The following ANGPTL6 variants were observed in gnomAD, a reference collection of about 807,000 sequenced individuals.
ANGPTL6 encodes angiopoietin like 6.
In ANGPTL6, 45 loss-of-function variants were observed where a neutral mutation model predicts 47.4. The observed-to-expected ratio is 0.95, with a 90% CI of 0.75 to 1.22. ANGPTL6 has a LOEUF of 1.22. ANGPTL6 is among the 50% of genes most tolerant of loss of function. ANGPTL6 has a pLI of 0.00. For missense variants in ANGPTL6, 698 were observed against 669.4 expected, an observed-to-expected ratio of 1.04 and a Z score of -0.47; for synonymous variants, 290 against 295.9, an observed-to-expected ratio of 0.98 and a Z score of 0.20.
intron 1 of ANGPTL6, 162 bp downstream of exon 1, chr19:10,102,406 A>C: frequency 1.2e-5 from 2 of 165,922 alleles, no homozygotes; most frequent in Non-Finnish European, 1.2e-5. Flanking sequence ...CCCACAACAG[A>C]GATTGAGCAA....
intron 1 of ANGPTL6, among the ~76,000 whole-genome samples, chr19:10,098,113 C>G (rs2088591991): frequency 6.6e-6 from 1 of 151,970 alleles, no homozygotes; most frequent in African/African-American, 2.4e-5. Context: ...GCTGGTCTCC[C>G]CTGGCCTCAA....
At position 10,092,423 on chromosome 19, in the gene ANGPTL6, C is replaced by A; in HGVS notation, c.*166G>T. On this transcript the variant is annotated 3_prime_UTR_variant, in exon 6 of 6. Transcript: ENST00000253109. Reference sequence around the variant, plus strand: ...GAGCCATCTGAGGCCAAGATATTGACGGGGGGGATTCCTGGGTCCCATTTT... The same window carrying A: ...GAGCCATCTGAGGCCAAGATATTGAAGGGGGGGATTCCTGGGTCCCATTTT... 6.6e-7 allele frequency: 1 copy of A among 1,512,342 alleles called. No individual in the cohort carries two copies. Among genetic ancestry groups the A allele is most frequent in the Non-Finnish European group, 8.9e-7 (1 of 1,129,542 alleles). 93.7% of individuals were successfully genotyped at this position (1,512,342 alleles called of 1,614,324 possible). A position where few individuals can be genotyped will look rare whatever the true frequency, so the allele number is the denominator to read the frequency against.
At chr19:10,092,988 T>C (rs924215319) in intron 5 of ANGPTL6, 39 of 504,166 alleles carry the variant, frequency 7.7e-5, no homozygotes, top group Admixed American at 1.1e-4. Flanking sequence ...CCCTATCTCC[T>C]TACCAAAGTA....
Position 10,093,580 on chromosome 19 carries a change from G to C in ANGPTL6, c.991C>G (p.Leu331Val). 6.2e-7 allele frequency: 1 copy of C among 1,613,758 alleles called. No homozygotes were observed. The highest frequency in any genetic ancestry group is 1.1e-5 in the South Asian group (1 of 91,078). ...GRPDGEYWLGLEPVYQLTSRG... is the reference protein window; with the variant it reads ...GRPDGEYWLGVEPVYQLTSRG... ...CTGGTCAGCTGATACACGGGTTCAAGGCCCAGCCAGTATTCTCCGTCTGGC... is the reference window on the plus strand; with the variant it reads ...CTGGTCAGCTGATACACGGGTTCAACGCCCAGCCAGTATTCTCCGTCTGGC... The change falls in exon 5 of 6, where the codon CTT becomes GTT. Residue 331 changes from leucine (L) to valine (V), a missense_variant. Transcript: ENST00000253109.
upstream of ANGPTL6, among the ~76,000 whole-genome samples, chr19:10,104,760 G>C (rs1245316799): frequency 1.3e-5 from 2 of 152,268 alleles, no homozygotes; most frequent in East Asian, 3.9e-4. Context: ...ACAACTTAAA[G>C]GGAAATGGGG....
upstream of ANGPTL6, among the ~76,000 whole-genome samples, chr19:10,103,964 A>G (rs990047035): frequency 4.7e-5 from 7 of 150,494 alleles, no homozygotes; most frequent in African/African-American, 9.8e-5. Flanking sequence ...GTGGTGGCCC[A>G]TGCCTGTAAT....
chr19:10,104,081 C>CAAA (rs33948028), upstream of ANGPTL6, among the ~76,000 whole-genome samples: 72 of 73,990 alleles, frequency 9.7e-4, 2 homozygotes, highest in South Asian at 1.5e-3. Context: ...GACTCTGTCT[C>CAAA]AAAAAAAAAA....
At position 10,096,147 on chromosome 19, in the gene ANGPTL6, G is replaced by C; in HGVS notation, c.417C>G (p.Leu139=). 2 of 1,364,800 alleles carry C rather than the reference G, an allele frequency of 1.5e-6. No individual in the cohort carries two copies. The highest frequency in any genetic ancestry group is 1.9e-6 in the Non-Finnish European group (2 of 1,058,194). The allele number at this position is 1,364,800 out of a possible 1,614,324, so 84.5% of individuals were successfully genotyped here. The change falls in exon 2 of 6, where the codon CTC becomes CTG. Residue 139 remains leucine (L), a synonymous_variant. Coordinates refer to ENST00000253109, the MANE Select transcript of ANGPTL6 (RefSeq NM_031917.3). ...CGGACGCGTTGAGCACGCGCTCCCC[G>C]AGCAGCGCCAGCGCCGCGGCAGGCT... The part of the protein sequence containing the change: ...GAEPAAALAL[L]GERVLNASAE...
chr19:10,092,963 T>C (rs2088430156), intron 5 of ANGPTL6, 184 bp from the exon 6 acceptor site: 2 of 531,164 alleles, frequency 3.8e-6, no homozygotes, highest in Non-Finnish European at 6.5e-6. Flanking sequence ...TTCAGAGTAA[T>C]AGCCTTAATT....
upstream of ANGPTL6, among the ~76,000 whole-genome samples, chr19:10,103,624 TAATAAATA>T (rs1555757143): frequency 1.6e-5 from 2 of 126,082 alleles, no homozygotes; most frequent in Non-Finnish European, 3.4e-5. Flanking sequence ...AATAAATAAA[TAATAAATA>T]AATAATAATA....
Position 10,096,441 on chromosome 19 carries a change from A to G in ANGPTL6, c.123T>C (p.Ala41=), listed in dbSNP as rs1348802242. The G allele has an allele frequency of 1.9e-5, 28 of 1,445,656 alleles. No individual in the cohort carries two copies. The South Asian group carries it at 2.6e-4, about 13-fold the overall frequency. 89.6% of individuals were successfully genotyped at this position (1,445,656 alleles called of 1,614,324 possible). A position where few individuals can be genotyped will look rare whatever the true frequency, so the allele number is the denominator to read the frequency against. ...TGGATGCGGGGCCGCTCCAGCACAC[A>G]GCGCCCGTGAACTTCTGCGGGGGCA... ...FVLPPQKFTG[A]VCWSGPASTR... Residue 41 remains alanine (A), a synonymous_variant, in exon 2 of 6, where the codon GCT becomes GCC. Transcript: ENST00000253109.
At chr19:10,093,995 C>T in intron 3 of ANGPTL6, 115 bp from the exon 4 acceptor site, 2 of 1,122,692 alleles carry the variant, frequency 1.8e-6, no homozygotes, top group Non-Finnish European at 2.5e-6. Flanking sequence ...GCCTCTCCCA[C>T]TTTTCTACCA....
At chr19:10,102,740 G>C (rs2088713658), upstream of ANGPTL6, 3 of 984,560 alleles carry the variant, frequency 3.0e-6, no homozygotes, top group South Asian at 1.4e-4. Context: ...TGGGAGTGGA[G>C]CTGGGATGCT....
In ANGPTL6 at chr19:10,096,102, G is replaced by A. The variant is rs768053460; in HGVS notation, c.462C>T (p.Ala154=). The part of the protein sequence containing the change: ...LNASAEAQRA[A]ARFHQLDVKF... Reference sequence around the variant, plus strand: ...TGACGTCCAGCTGGTGGAACCGGGCGGCTGCGCGCTGAGCCTCGGCGGACG... The same window carrying A: ...TGACGTCCAGCTGGTGGAACCGGGCAGCTGCGCGCTGAGCCTCGGCGGACG... The change falls in exon 2 of 6, where the codon GCC becomes GCT. Residue 154 remains alanine (A), a synonymous_variant. Coordinates refer to ENST00000253109, the MANE Select transcript of ANGPTL6 (RefSeq NM_031917.3). 2.6e-5 allele frequency: 39 copies of A among 1,487,504 alleles called. No individual in the cohort carries two copies. In the South Asian group the frequency reaches 4.6e-4, roughly 17 times the overall value. 92.1% of individuals were successfully genotyped at this position (1,487,504 alleles called of 1,614,324 possible). A position where few individuals can be genotyped will look rare whatever the true frequency, so the allele number is the denominator to read the frequency against.
chr19:10,102,875 C>G (rs1019248469), upstream of ANGPTL6: 1 of 717,078 alleles, frequency 1.4e-6, no homozygotes, highest in African/African-American at 1.9e-5. Flanking sequence ...GGACATCCCT[C>G]CCTTTCCCCC....
chr19:10,097,325 T>C (rs952695913), intron 1 of ANGPTL6, among the ~76,000 whole-genome samples: 1 of 149,624 alleles, frequency 6.7e-6, no homozygotes, highest in African/African-American at 2.5e-5. Context: ...CAGGCTGCAG[T>C]GAGCTGCGAT....
intron 1 of ANGPTL6, among the ~76,000 whole-genome samples, chr19:10,097,291 A>T (rs1458612738): frequency 6.6e-6 from 1 of 151,906 alleles, no homozygotes; most frequent in African/African-American, 2.4e-5. Context: ...TTGTCATCCC[A>T]AGATCGCCTG....
At chr19:10,105,334 A>G (rs961899020), upstream of ANGPTL6, among the ~76,000 whole-genome samples, 2 of 152,024 alleles carry the variant, frequency 1.3e-5, no homozygotes, top group Admixed American at 1.3e-4. Context: ...GCTGAAGAAT[A>G]CAGAGAGTCA....
chr19:10,093,906 G>A, intron 3 of ANGPTL6, 26 bp from the exon 4 acceptor site: 1 of 1,601,698 alleles, frequency 6.2e-7, no homozygotes. Flanking sequence ...TAGGGGGGAG[G>A]CACAGCCTGG....
Sources: gnomAD v4.1 joint callset for allele counts (sites outside exome capture counted in the v4.1 genomes callset) on GRCh38, gnomAD v4.1.1 for gene constraint, MANE v1.5 for transcripts, NCBI Gene and HGNC (gene_info 2026-07-23, HGNC 2026-07-21) for gene names.